Variants in SNTG1 observed in about 807,000 individuals in gnomAD.
SNTG1 encodes gamma-1-syntrophin.
Under a neutral mutation model 74.7 loss-of-function variants are expected in SNTG1, and 39 were observed. The observed-to-expected ratio is 0.52, with a 90% CI of 0.40 to 0.68. The LOEUF (loss-of-function observed/expected upper bound fraction) is 0.68. SNTG1 is among the 30% of genes least tolerant of loss of function. SNTG1 has a pLI of 0.00. For synonymous variants in SNTG1, 254 were observed against 217.1 expected, an observed-to-expected ratio of 1.17 and a Z score of -1.49; for missense variants, 685 against 609.5, an observed-to-expected ratio of 1.12 and a Z score of -1.30.
intron 1 of SNTG1, among the ~76,000 whole-genome samples, chr8:50,128,961 C>G (rs1198476201): frequency 6.6e-6 from 1 of 151,954 alleles, no homozygotes; most frequent in African/African-American, 2.4e-5. Context: ...AATTTCAGAT[C>G]ATGAAATTAC....
chr8:50,310,868 T>C (rs1336395256), intron 2 of SNTG1, among the ~76,000 whole-genome samples: 1 of 152,236 alleles, frequency 6.6e-6, no homozygotes, highest in Non-Finnish European at 1.5e-5. Context: ...AAAGAATGTA[T>C]GTGTATAATT....
chr8:50,534,095 T>G (rs940046181), intron 10 of SNTG1, among the ~76,000 whole-genome samples: 1 of 152,176 alleles, frequency 6.6e-6, no homozygotes, highest in Non-Finnish European at 1.5e-5. Context: ...AATAATCAAG[T>G]AAAAAAATCC....
intron 12 of SNTG1, among the ~76,000 whole-genome samples, chr8:50,563,947 A>AT (rs1174118449): frequency 6.6e-6 from 1 of 152,172 alleles, no homozygotes; most frequent in African/African-American, 2.4e-5. Context: ...ACAACTTAAT[A>AT]TTAGGAAATA....
intron 2 of SNTG1, among the ~76,000 whole-genome samples, chr8:50,359,145 G>C (rs2091893956): frequency 6.6e-6 from 1 of 152,114 alleles, no homozygotes; most frequent in South Asian, 2.1e-4. Flanking sequence ...TCTTTCCTTA[G>C]GTAGATGCAC....
At chr8:50,620,858 A>T (rs1226651707) in intron 13 of SNTG1, among the ~76,000 whole-genome samples, 1 of 152,140 alleles carries the variant, frequency 6.6e-6, no homozygotes, top group African/African-American at 2.4e-5. Context: ...TTCAGAGGTG[A>T]ATGATCTTGG....
At chr8:50,225,324 T>C (rs553227779) in intron 2 of SNTG1, among the ~76,000 whole-genome samples, 47 of 152,154 alleles carry the variant, frequency 3.1e-4, no homozygotes, top group Non-Finnish European at 5.6e-4. Flanking sequence ...AATAAGAACC[T>C]TGGTCTCCAC....
Position 50,583,303 on chromosome 8 carries a change from G to C in SNTG1, c.811-7576G>C, listed in dbSNP as rs141790276. 8.0e-3 allele frequency among the ~76,000 whole-genome samples: 1,204 copies of C among 150,834 alleles called. 15 individuals are homozygous for C. The highest frequency in any genetic ancestry group is 0.027 in the African/African-American group (1,098 of 41,164). The stretch of plus-strand genomic sequence containing the variant: ...TATAATCCTAGTGACTTGGGAGGCT[G>C]AGGTGGGAGAATTGCTTAAACCTGG... On this transcript the variant is annotated intron_variant, in intron 12 of 18. Transcript: ENST00000642720.
intron 2 of SNTG1, among the ~76,000 whole-genome samples, chr8:50,352,961 T>G (rs998536352): frequency 3.3e-5 from 5 of 152,070 alleles, no homozygotes; most frequent in Admixed American, 2.0e-4. Flanking sequence ...CACACGTATG[T>G]TTATTGCAGC....
intron 1 of SNTG1, among the ~76,000 whole-genome samples, chr8:50,017,860 C>T (rs775709329): frequency 5.9e-5 from 9 of 151,764 alleles, no homozygotes; most frequent in Middle Eastern, 3.2e-3. Flanking sequence ...AAAACATCTA[C>T]GCAGAAGATA....
At chr8:50,070,394 C>A (rs1044525497) in intron 1 of SNTG1, among the ~76,000 whole-genome samples, 2 of 152,096 alleles carry the variant, frequency 1.3e-5, no homozygotes, top group African/African-American at 4.8e-5. Context: ...AACGTATCAT[C>A]CACTAAAAAC....
intron 4 of SNTG1, among the ~76,000 whole-genome samples, chr8:50,404,260 T>C (rs998893580): frequency 1.3e-5 from 2 of 152,046 alleles, no homozygotes; most frequent in African/African-American, 2.4e-5. Flanking sequence ...AAAAACTATG[T>C]TGAAGGAAAT....
At chr8:50,402,079 G>A (rs1166566259) in intron 3 of SNTG1, 131 bp from the exon 4 acceptor site, 7 of 836,760 alleles carry the variant, frequency 8.4e-6, no homozygotes, top group Non-Finnish European at 1.2e-5. Flanking sequence ...TTCAATTTCA[G>A]GCTCATCAGA....
At chr8:50,375,551 T>C (rs1200444531) in intron 2 of SNTG1, among the ~76,000 whole-genome samples, 1 of 152,166 alleles carries the variant, frequency 6.6e-6, no homozygotes, top group Non-Finnish European at 1.5e-5. Context: ...GGGAAATGTT[T>C]AGGCTGAATC....
At chr8:50,704,567 G>T (rs746938096) in intron 15 of SNTG1, 33 bp from the exon 16 acceptor site, 4 of 1,613,726 alleles carry the variant, frequency 2.5e-6, no homozygotes, top group South Asian at 1.1e-5. Flanking sequence ...GAAGTGATGT[G>T]TGCCAGCCTG....
At chr8:50,276,180 T>A (rs1295394269) in intron 2 of SNTG1, among the ~76,000 whole-genome samples, 2 of 152,052 alleles carry the variant, frequency 1.3e-5, no homozygotes, top group African/African-American at 4.8e-5. Flanking sequence ...GCCCACGGCA[T>A]TCTGCTTGTT....
chr8:50,492,737 A>G (rs980031078), intron 8 of SNTG1, among the ~76,000 whole-genome samples: 2 of 152,128 alleles, frequency 1.3e-5, no homozygotes, highest in African/African-American at 4.8e-5. Flanking sequence ...CTTTAGTTTA[A>G]TGAGACGTAT....
intron 2 of SNTG1, among the ~76,000 whole-genome samples, chr8:50,203,201 G>C (rs1440472647): frequency 6.6e-6 from 1 of 152,106 alleles, no homozygotes; most frequent in Non-Finnish European, 1.5e-5. Flanking sequence ...TCAAAGGCAT[G>C]TTTCTGTTTC....
At position 50,209,574 on chromosome 8, in the gene SNTG1, C is replaced by T. The variant is rs28773838; in HGVS notation, c.-28+36939C>T. On this transcript the variant is annotated intron_variant, in intron 2 of 18. Coordinates refer to ENST00000642720, the MANE Select transcript of SNTG1 (RefSeq NM_018967.5). ...ATTTGCCGTTCTGCAAGATTTGCTG[C>T]TCTGCAGCCTCCGCTGGTGATACCC... Among the ~76,000 whole-genome samples the T allele has an allele frequency of 8.1e-3, 1,235 of 152,322 alleles. 20 individuals are homozygous for T. Among genetic ancestry groups the T allele is most frequent in the African/African-American group, 0.029 (1,186 of 41,566 alleles).
chr8:50,711,840 C>T (rs2095462482), intron 17 of SNTG1, among the ~76,000 whole-genome samples: 1 of 152,156 alleles, frequency 6.6e-6, no homozygotes, highest in South Asian at 2.1e-4. Context: ...CATTACTGTA[C>T]AGCTCAGCTT....
Sources: allele counts gnomAD v4.1 joint callset (sites outside exome capture counted in the v4.1 genomes callset), GRCh38; gene constraint gnomAD v4.1.1; transcripts MANE v1.5; gene names NCBI Gene and HGNC (gene_info 2026-07-23, HGNC 2026-07-21).